The following EXOC4 variants were observed in gnomAD, a reference collection of about 807,000 sequenced individuals.
The protein encoded by EXOC4 is exocyst complex component 4.
Under a neutral mutation model 107.2 loss-of-function variants are expected in EXOC4, and 71 were observed. The observed-to-expected ratio is 0.66, with a 90% CI of 0.55 to 0.81. The LOEUF (loss-of-function observed/expected upper bound fraction) is 0.81, where lower values mean the gene tolerates loss of function less well. EXOC4 is among the 30% of genes least tolerant of loss of function. EXOC4 has a pLI of 0.00. For missense variants in EXOC4, 1,108 were observed against 1,189.6 expected, an observed-to-expected ratio of 0.93 and a Z score of 1.01; for synonymous variants, 456 against 441.2, an observed-to-expected ratio of 1.03 and a Z score of -0.42.
chr7:133,993,880 G>A (rs1407690891), intron 14 of EXOC4, among the ~76,000 whole-genome samples: 1 of 152,146 alleles, frequency 6.6e-6, no homozygotes, highest in Non-Finnish European at 1.5e-5. Flanking sequence ...TCTACTTAGG[G>A]GGTCAGTGGA....
At chr7:133,697,687 A>G (rs1199860516) in intron 10 of EXOC4, among the ~76,000 whole-genome samples, 1 of 152,190 alleles carries the variant, frequency 6.6e-6, no homozygotes, top group Non-Finnish European at 1.5e-5. Context: ...TCCAACAAGG[A>G]CAAGTGGGGA....
chr7:133,280,772 G>T (rs1563000524), intron 2 of EXOC4, among the ~76,000 whole-genome samples: 1 of 152,132 alleles, frequency 6.6e-6, no homozygotes, highest in Non-Finnish European at 1.5e-5. Flanking sequence ...TTGAAAGGTA[G>T]AATTAGAACG....
intron 9 of EXOC4, among the ~76,000 whole-genome samples, chr7:133,544,095 T>C (rs2150934490): frequency 6.6e-6 from 1 of 152,232 alleles, no homozygotes; most frequent in South Asian, 2.1e-4. Flanking sequence ...CAAATAATGG[T>C]GCATTGGGAA....
chr7:133,865,083 A>G (rs1227291853), intron 11 of EXOC4, among the ~76,000 whole-genome samples: 1 of 152,188 alleles, frequency 6.6e-6, no homozygotes, highest in African/African-American at 2.4e-5. Flanking sequence ...GTAATTTAAA[A>G]GATATTTACT....
chr7:133,547,814 A>AC (rs1188791973), intron 9 of EXOC4, among the ~76,000 whole-genome samples: 2 of 151,966 alleles, frequency 1.3e-5, no homozygotes, highest in Non-Finnish European at 2.9e-5. Flanking sequence ...TACTTCCTCC[A>AC]CTGGAGTCTT....
intron 10 of EXOC4, among the ~76,000 whole-genome samples, chr7:133,652,058 G>C (rs374976016): frequency 1.3e-5 from 2 of 152,278 alleles, no homozygotes; most frequent in East Asian, 3.9e-4. Flanking sequence ...GGGAAACCTG[G>C]TTGATTTTCT....
At chr7:133,992,788 T>C (rs1383820984) in intron 14 of EXOC4, among the ~76,000 whole-genome samples, 1 of 150,496 alleles carries the variant, frequency 6.6e-6, no homozygotes, top group South Asian at 2.1e-4. Context: ...TCCAGTACTA[T>C]GTTGAATAAA....
intron 6 of EXOC4, among the ~76,000 whole-genome samples, chr7:133,357,115 A>G (rs969464246): frequency 1.4e-4 from 22 of 152,390 alleles, no homozygotes; most frequent in Middle Eastern, 3.4e-3. Context: ...AAATATGGAC[A>G]TATTTATAGT....
intron 11 of EXOC4, among the ~76,000 whole-genome samples, chr7:133,823,619 A>T (rs773958575): frequency 6.6e-5 from 10 of 151,162 alleles, no homozygotes; most frequent in Non-Finnish European, 1.2e-4. Context: ...GTTCAAGAGC[A>T]GCCTGGCCAA....
chr7:134,001,276 C>T (rs1794524689), intron 15 of EXOC4, among the ~76,000 whole-genome samples: 1 of 152,150 alleles, frequency 6.6e-6, no homozygotes, highest in Non-Finnish European at 1.5e-5. Flanking sequence ...TAAGTAGGTT[C>T]AACAGCAACT....
At chr7:133,791,316 A>G (rs1796699047) in intron 10 of EXOC4, among the ~76,000 whole-genome samples, 1 of 152,224 alleles carries the variant, frequency 6.6e-6, no homozygotes, top group Non-Finnish European at 1.5e-5. Flanking sequence ...GAATCAATTT[A>G]TTTATACTTA....
intron 9 of EXOC4, among the ~76,000 whole-genome samples, chr7:133,557,441 A>G (rs1341126140): frequency 2.0e-5 from 3 of 152,178 alleles, no homozygotes; most frequent in Non-Finnish European, 2.9e-5. Context: ...CATTCTGTTA[A>G]TGGCCTAGGG....
At chr7:133,624,219 A>G (rs769477948) in intron 9 of EXOC4, among the ~76,000 whole-genome samples, 6 of 152,176 alleles carry the variant, frequency 3.9e-5, no homozygotes, top group Non-Finnish European at 8.8e-5. Context: ...AGTCATGATC[A>G]TTTTATGCTA....
At chr7:133,254,151 C>G (rs1347751460) in intron 1 of EXOC4, 1 of 152,164 alleles carries the variant, frequency 6.6e-6, no homozygotes, top group Non-Finnish European at 1.5e-5. Flanking sequence ...CCAACATTAT[C>G]TGGTAGGTAC....
At chr7:133,409,050 G>A (rs1023685873) in intron 7 of EXOC4, among the ~76,000 whole-genome samples, 1 of 152,046 alleles carries the variant, frequency 6.6e-6, no homozygotes, top group African/African-American at 2.4e-5. Flanking sequence ...AATCAAAATC[G>A]GATAAACCTC....
intron 10 of EXOC4, among the ~76,000 whole-genome samples, chr7:133,722,477 A>G (rs1488840811): frequency 6.6e-6 from 1 of 152,194 alleles, no homozygotes; most frequent in African/African-American, 2.4e-5. Flanking sequence ...CCACAGGGAA[A>G]GGGAAACTGG....
At chr7:134,061,623 ATTTGG>A (rs1203634381) in intron 17 of EXOC4, among the ~76,000 whole-genome samples, 1 of 152,166 alleles carries the variant, frequency 6.6e-6, no homozygotes. Context: ...CTCTCATTTC[ATTTGG>A]TAAATCTCGA....
At chr7:133,798,897 G>A (rs1796872344) in intron 10 of EXOC4, among the ~76,000 whole-genome samples, 1 of 152,292 alleles carries the variant, frequency 6.6e-6, no homozygotes, top group East Asian at 1.9e-4. Context: ...AGTAAAAGAT[G>A]AGGTATAAAC....
chr7:133,619,486 T>G (rs1258049908), intron 9 of EXOC4, among the ~76,000 whole-genome samples: 2 of 152,216 alleles, frequency 1.3e-5, no homozygotes, highest in Non-Finnish European at 2.9e-5. Context: ...AGGCTCAACA[T>G]GTTTTCAGTT....
Sources: gnomAD v4.1 joint callset for allele counts (sites outside exome capture counted in the v4.1 genomes callset) on GRCh38, gnomAD v4.1.1 for gene constraint, MANE v1.5 for transcripts, NCBI Gene and HGNC (gene_info 2026-07-23, HGNC 2026-07-21) for gene names.